The following ANXA6 variants were observed in gnomAD, a reference collection of about 807,000 sequenced individuals.
ANXA6 encodes the protein 67 kDa calelectrin.
A neutral mutation model predicts 95.4 loss-of-function variants in ANXA6; 71 were observed. The observed-to-expected ratio is 0.74, with a 90% confidence interval of 0.61 to 0.91. The LOEUF is 0.91. ANXA6 is among the 40% of genes least tolerant of loss of function. The pLI is 0.00. For missense variants in ANXA6, 830 were observed against 876.4 expected (o/e 0.95, Z 0.67); for synonymous variants, 289 against 315.9 (o/e 0.91, Z 0.90).
intron 23 of ANXA6, 29 bp from the exon 24 acceptor site, chr5:151,105,332 A>G (rs1462767930): frequency 6.2e-7 from 1 of 1,611,372 alleles, no homozygotes; most frequent in African/African-American, 1.3e-5. Flanking sequence ...AGATGCGGGG[A>G]ACGTGGTCAG....
chr5:151,149,024 A>T (rs1001138990), intron 1 of ANXA6, among the ~76,000 whole-genome samples: 2 of 151,436 alleles, frequency 1.3e-5, no homozygotes, highest in African/African-American at 2.4e-5. Context: ...AAAAAAAATA[A>T]AAAAAAAATA....
intron 19 of ANXA6, 59 bp downstream of exon 19, chr5:151,117,699 T>G (rs926241335): frequency 4.2e-5 from 62 of 1,461,688 alleles, no homozygotes; most frequent in Non-Finnish European, 5.8e-5. Context: ...CAGTAAACCT[T>G]CCCTTCCTCC....
rs147673052 is a variant in ANXA6, at chr5:151,135,932, G to T, written c.489+324C>A. Among the ~76,000 whole-genome samples the T allele has an allele frequency of 2.6e-4, 40 of 152,294 alleles. No homozygotes were observed. In the East Asian group the frequency reaches 5.8e-3, roughly 22 times the overall value. ...GGGCGGGCGGTGAGGAGGCAATAAG[G>T]CTCGGATGTGGGAGACTCCACACAG... On this transcript the variant is annotated intron_variant, in intron 7 of 25. Coordinates refer to ENST00000354546, the MANE Select transcript of ANXA6 (RefSeq NM_001155.5).
At chr5:151,105,781 T>C (rs1392799502) in intron 23 of ANXA6, among the ~76,000 whole-genome samples, 2 of 152,210 alleles carry the variant, frequency 1.3e-5, no homozygotes, top group African/African-American at 4.8e-5. Flanking sequence ...CAGATTCTCA[T>C]GCCTCAGATT....
At chr5:151,106,594 T>C (rs1367522276) in intron 23 of ANXA6, among the ~76,000 whole-genome samples, 1 of 152,174 alleles carries the variant, frequency 6.6e-6, no homozygotes, top group Non-Finnish European at 1.5e-5. Flanking sequence ...AATTCCTGTG[T>C]CTCTCTGTCC....
At position 151,102,597 on chromosome 5, in the gene ANXA6, G is replaced by A. The variant is rs62377524; in HGVS notation, c.1962+973C>T. On this transcript the variant is annotated intron_variant, in intron 25 of 25. Transcript: ENST00000354546. ...TGCATGCCTGCAGTCCCAGCTACTC[G>A]GGAGGCTGAGGCAGGAGAATTGCTT... is the stretch of plus-strand genomic sequence containing the variant. Among the ~76,000 whole-genome samples, 417 of 152,220 alleles carry A rather than the reference G, an allele frequency of 2.7e-3. 1 individual carries two copies. The highest frequency in any genetic ancestry group is 4.5e-3 in the Non-Finnish European group (309 of 68,014).
intron 1 of ANXA6, among the ~76,000 whole-genome samples, chr5:151,150,378 G>GT: frequency 6.6e-6 from 1 of 152,186 alleles, no homozygotes. Context: ...GTTGTTGGAG[G>GT]ATAAGACCTA....
chr5:151,152,989 CA>C (rs951117922), intron 1 of ANXA6, among the ~76,000 whole-genome samples: 2 of 151,958 alleles, frequency 1.3e-5, no homozygotes, highest in Non-Finnish European at 2.9e-5. Flanking sequence ...GAAAATCATG[CA>C]AAAAAACCCA....
intron 22 of ANXA6, among the ~76,000 whole-genome samples, 154 bp downstream of exon 22, chr5:151,109,599 G>C (rs1764791411): frequency 6.6e-6 from 1 of 152,158 alleles, no homozygotes; most frequent in African/African-American, 2.4e-5. Context: ...TAGAACCCAG[G>C]GCTCCAGAGT....
At position 151,131,211 on chromosome 5, in the gene ANXA6, A is replaced by C; in HGVS notation, c.795+20T>G. On this transcript the variant is annotated intron_variant, in intron 11 of 25. Transcript: ENST00000354546. ...ATAGTCCTCTCCCCAAACCCCATTC[A>C]CATCAGCCCCACCACGCACCTTCAT... 6.2e-7 allele frequency: 1 copy of C among 1,613,556 alleles called. No homozygotes were observed. The highest frequency in any genetic ancestry group is 2.2e-5 in the East Asian group (1 of 44,868).
Position 151,101,330 on chromosome 5 carries a change from A to AACCC in ANXA6, c.*117_*118insGGGT. The AACCC allele has an allele frequency of 2.6e-6, 1 of 385,862 alleles. No individual in the cohort carries two copies. Among genetic ancestry groups the AACCC allele is most frequent in the Non-Finnish European group, 5.2e-6 (1 of 190,622 alleles). 23.9% of individuals were successfully genotyped at this position (385,862 alleles called of 1,614,324 possible). A position where few individuals can be genotyped will look rare whatever the true frequency, so the allele number is the denominator to read the frequency against. On this transcript the variant is annotated 3_prime_UTR_variant, in exon 26 of 26. Transcript: ENST00000354546. ...CCACTGAAGATAAGAGCCCAACCCAACCCCTCCCCCCACCCCTGCCCCTTC... is the reference window on the plus strand; with the variant it reads ...CCACTGAAGATAAGAGCCCAACCCAAACCCCCCCTCCCCCCACCCCTGCCCCTTC...
intron 1 of ANXA6, among the ~76,000 whole-genome samples, chr5:151,150,486 T>C (rs1291186198): frequency 6.6e-6 from 1 of 152,210 alleles, no homozygotes; most frequent in African/African-American, 2.4e-5. Flanking sequence ...GGACAGGGCC[T>C]CTGTCGTGTT....
chr5:151,146,446 T>C (rs922195707), intron 2 of ANXA6, among the ~76,000 whole-genome samples: 3 of 152,226 alleles, frequency 2.0e-5, no homozygotes, highest in Non-Finnish European at 2.9e-5. Context: ...CTGAGGGTAC[T>C]GATCCTATAA....
chr5:151,141,438 G>T (rs1383746120), intron 2 of ANXA6: 4 of 852,328 alleles, frequency 4.7e-6, no homozygotes, highest in East Asian at 1.2e-4. Context: ...CAAAAATAAG[G>T]TAATGTGGGA....
intron 20 of ANXA6, among the ~76,000 whole-genome samples, chr5:151,113,888 A>C (rs1764921248): frequency 6.6e-6 from 1 of 152,274 alleles, no homozygotes. Context: ...AATGTCCATC[A>C]GCTGATGAAT....
rs754422835 is a variant in ANXA6 at position 151,140,136 on chromosome 5, T to C, written c.109+17A>G. ...TTGGGGGATACCCCTCAAGCTCCCATGAAGCCTGGCACCCACCAAAGCCCT... is the reference window on the plus strand; with the variant it reads ...TTGGGGGATACCCCTCAAGCTCCCACGAAGCCTGGCACCCACCAAAGCCCT... On this transcript the variant is annotated intron_variant, in intron 3 of 25. Transcript: ENST00000354546. 1.9e-6 allele frequency: 3 copies of C among 1,613,154 alleles called. No homozygotes were observed. The highest frequency in any genetic ancestry group is 1.1e-5 in the South Asian group (1 of 90,948).
At chr5:151,139,923 A>G (rs1582012352) in intron 3 of ANXA6, among the ~76,000 whole-genome samples, 2 of 152,238 alleles carry the variant, frequency 1.3e-5, no homozygotes, top group East Asian at 3.8e-4. Context: ...ATGAAGCACT[A>G]GTTCTTAAAT....
chr5:151,125,994 T>C (rs1428745545), intron 14 of ANXA6, among the ~76,000 whole-genome samples: 3 of 152,228 alleles, frequency 2.0e-5, no homozygotes, highest in African/African-American at 7.2e-5. Context: ...AAACCTTTCA[T>C]TCCTGTCCTT....
intron 25 of ANXA6, among the ~76,000 whole-genome samples, chr5:151,102,415 C>T (rs1764574232): frequency 6.6e-6 from 1 of 152,090 alleles, no homozygotes; most frequent in South Asian, 2.1e-4. Context: ...TCAAAAAAGT[C>T]AGACGCAGCC....
Sources: allele counts gnomAD v4.1 joint callset (sites outside exome capture counted in the v4.1 genomes callset), GRCh38; gene constraint gnomAD v4.1.1; transcripts MANE v1.5; gene names NCBI Gene and HGNC (gene_info 2026-07-23, HGNC 2026-07-21).